The following CCDC62 variants were observed in gnomAD, a reference collection of about 807,000 sequenced individuals.
CCDC62 encodes the protein coiled-coil domain-containing protein 62.
In CCDC62, 72 loss-of-function variants were observed where a neutral mutation model predicts 80.8. That is an observed-to-expected ratio of 0.89 (90% CI 0.74 to 1.08). CCDC62 has a LOEUF of 1.08. CCDC62 is among the 50% of genes least tolerant of loss of function. The pLI is 0.00. For synonymous variants in CCDC62, 286 were observed against 296.5 expected, an observed-to-expected ratio of 0.96 and a Z score of 0.36; for missense variants, 704 against 809.4, an observed-to-expected ratio of 0.87 and a Z score of 1.58.
At chr12:122,820,187 G>A (rs1593838538) in intron 11 of CCDC62, among the ~76,000 whole-genome samples, 1 of 152,086 alleles carries the variant, frequency 6.6e-6, no homozygotes, top group Non-Finnish European at 1.5e-5. Context: ...TGAGGGATGA[G>A]GCAGAAGCGG....
At chr12:122,802,813 G>T (rs960196428) in intron 9 of CCDC62, among the ~76,000 whole-genome samples, 5 of 151,984 alleles carry the variant, frequency 3.3e-5, no homozygotes, top group African/African-American at 1.2e-4. Context: ...GACCACTTGA[G>T]TCCAGGAATT....
At chr12:122,788,541 C>T (rs966047193) in intron 4 of CCDC62, among the ~76,000 whole-genome samples, 6 of 152,146 alleles carry the variant, frequency 3.9e-5, no homozygotes, top group Non-Finnish European at 5.9e-5. Flanking sequence ...GCTGTGTAAC[C>T]GTGGGCAAGG....
chr12:122,789,932 T>C (rs2030498422), intron 5 of CCDC62, among the ~76,000 whole-genome samples: 1 of 142,142 alleles, frequency 7.0e-6, no homozygotes, highest in African/African-American at 3.1e-5. Flanking sequence ...GCACAAGGGC[T>C]ACACTCTAGG....
intron 10 of CCDC62, among the ~76,000 whole-genome samples, chr12:122,811,474 G>C (rs1311635276): frequency 6.7e-6 from 1 of 149,322 alleles, no homozygotes; most frequent in African/African-American, 2.5e-5. Context: ...GCCTCCCAAA[G>C]TGCTGGGATT....
intron 10 of CCDC62, among the ~76,000 whole-genome samples, chr12:122,810,339 C>A (rs1278326680): frequency 2.0e-5 from 3 of 152,068 alleles, no homozygotes; most frequent in East Asian, 1.9e-4. Context: ...AACAAACAAC[C>A]CCATCAACAA....
intron 9 of CCDC62, among the ~76,000 whole-genome samples, chr12:122,804,980 G>C (rs568489127): frequency 6.4e-4 from 97 of 151,146 alleles, no homozygotes; most frequent in African/African-American, 2.3e-3. Flanking sequence ...TGCCTCCCGG[G>C]TTCAAGCGAT....
intron 10 of CCDC62, among the ~76,000 whole-genome samples, chr12:122,808,189 C>T (rs1361195046): frequency 6.6e-6 from 1 of 152,002 alleles, no homozygotes; most frequent in East Asian, 1.9e-4. Context: ...CCCAGCTACT[C>T]AGGATGCTGA....
chr12:122,806,686 C>T (rs1004454565), intron 10 of CCDC62, among the ~76,000 whole-genome samples: 1 of 151,768 alleles, frequency 6.6e-6, no homozygotes, highest in East Asian at 1.9e-4. Flanking sequence ...CAATTTGTTG[C>T]CCAGTCTGGT....
At chr12:122,779,214 G>A (rs1006823489) in intron 2 of CCDC62, among the ~76,000 whole-genome samples, 3 of 152,210 alleles carry the variant, frequency 2.0e-5, no homozygotes, top group African/African-American at 7.2e-5. Context: ...TTAGGGAAAT[G>A]CAAATGAAAA....
At chr12:122,782,171 C>CA (rs2029904945) in intron 3 of CCDC62, among the ~76,000 whole-genome samples, 1 of 152,010 alleles carries the variant, frequency 6.6e-6, no homozygotes, top group South Asian at 2.1e-4. Flanking sequence ...CTCATCTCAA[C>CA]AAAAAACAAC....
At position 122,793,750 on chromosome 12, in the gene CCDC62, C is replaced by T. The variant is rs1014120835; in HGVS notation, c.772+1629C>T. Reference sequence around the variant, plus strand: ...GATTACAGGTGCGAGCCACCATGCCCGACCTAAGAAGTTTTAAGTGAAATG... The same window carrying T: ...GATTACAGGTGCGAGCCACCATGCCTGACCTAAGAAGTTTTAAGTGAAATG... On this transcript the variant is annotated intron_variant, in intron 6 of 12. Coordinates refer to ENST00000253079, the MANE Select transcript of CCDC62 (RefSeq NM_201435.5). Among the ~76,000 whole-genome samples the T allele has an allele frequency of 3.9e-5, 6 of 151,974 alleles. No homozygotes were observed. The East Asian group carries it at 7.7e-4, about 20-fold the overall frequency.
intron 6 of CCDC62, among the ~76,000 whole-genome samples, chr12:122,793,811 G>A (rs1309983714): frequency 3.3e-5 from 5 of 151,988 alleles, no homozygotes; most frequent in African/African-American, 9.7e-5. Context: ...ATTAAAGATC[G>A]GGGTGAAAGT....
rs546876908 is a variant in CCDC62, at chr12:122,790,112, G to A, written c.670+1183G>A. Reference sequence around the variant, plus strand: ...GCTGCCCAGGCTGGAGTGCAATGGCGTGATCTCAGCTCACTGCAACCTCCA... The same window carrying A: ...GCTGCCCAGGCTGGAGTGCAATGGCATGATCTCAGCTCACTGCAACCTCCA... On this transcript the variant is annotated intron_variant, in intron 5 of 12. Transcript: ENST00000253079. Among the ~76,000 whole-genome samples the A allele has an allele frequency of 1.4e-4, 22 of 151,882 alleles. No individual in the cohort carries two copies. The East Asian group carries it at 2.5e-3, about 17-fold the overall frequency.
intron 3 of CCDC62, among the ~76,000 whole-genome samples, chr12:122,784,062 C>T (rs971971098): frequency 7.9e-5 from 12 of 152,304 alleles, no homozygotes; most frequent in Admixed American, 5.9e-4. Context: ...ATCCCTTCCT[C>T]CCCCTCACCC....
In CCDC62 at chr12:122,774,692, C is replaced by A; in HGVS notation, c.22C>A (p.Leu8Ile). 1 of 1,257,052 alleles carries A rather than the reference C, an allele frequency of 8.0e-7. No individual in the cohort carries two copies. The highest frequency in any genetic ancestry group is 1.0e-6 in the Non-Finnish European group (1 of 991,850). 77.9% of individuals were successfully genotyped at this position (1,257,052 alleles called of 1,614,324 possible). A position where few individuals can be genotyped will look rare whatever the true frequency, so the allele number is the denominator to read the frequency against. Reference protein sequence around the residue: MNPPAAFLAGRQNIGSEV... With the variant: MNPPAAFIAGRQNIGSEV... ...ACCTATGAACCCTCCGGCAGCCTTC[C>A]TTGCCGGGCGCCAGGTAAGCAGCGG... The change falls in exon 1 of 13, where the codon CTT (leucine) becomes ATT (isoleucine). Residue 8 changes from leucine to isoleucine, a missense_variant. Physicochemically the swap from Leu to Ile is conservative, Grantham distance 5. Transcript: ENST00000253079.
At chr12:122,797,959 A>G (rs892745648) in intron 7 of CCDC62, 126 bp from the exon 8 acceptor site, 6 of 614,476 alleles carry the variant, frequency 9.8e-6, no homozygotes, top group Admixed American at 3.0e-5. Context: ...CATATTTAGC[A>G]TATTTCTCTA....
At chr12:122,822,090 C>CACACA (rs58333409) in intron 11 of CCDC62, among the ~76,000 whole-genome samples, 2 of 119,210 alleles carry the variant, frequency 1.7e-5, no homozygotes, top group African/African-American at 3.2e-5. Flanking sequence ...CACACACACA[C>CACACA]GACATTATTT....
intron 3 of CCDC62, among the ~76,000 whole-genome samples, chr12:122,781,558 G>A (rs113252610): frequency 2.0e-5 from 3 of 152,110 alleles, no homozygotes; most frequent in South Asian, 2.1e-4. Flanking sequence ...GGTGGCACAC[G>A]CCTGTAGTCC....
chr12:122,785,286 A>AT (rs2030142955), intron 3 of CCDC62, among the ~76,000 whole-genome samples: 1 of 152,210 alleles, frequency 6.6e-6, no homozygotes, highest in Admixed American at 6.6e-5. Context: ...GACAAAGAAT[A>AT]TTTTTTAAAT....
Sources: allele counts gnomAD v4.1 joint callset (sites outside exome capture counted in the v4.1 genomes callset), GRCh38; gene constraint gnomAD v4.1.1; transcripts MANE v1.5; gene names NCBI Gene and HGNC (gene_info 2026-07-23, HGNC 2026-07-21).